KCNIP4: variants seen among roughly 807,000 people sequenced by gnomAD.
KCNIP4 encodes the protein Kv channel-interacting protein 4.
In KCNIP4, 12 loss-of-function variants were observed where a neutral mutation model predicts 34.0. That is an observed-to-expected ratio of 0.35 (90% CI 0.23 to 0.57). KCNIP4 has a LOEUF of 0.57. KCNIP4 is among the 20% of genes least tolerant of loss of function. KCNIP4 has a pLI of 0.83. For missense variants in KCNIP4, 238 were observed against 311.7 expected, an observed-to-expected ratio of 0.76 and a Z score of 1.78; for synonymous variants, 124 against 102.2, an observed-to-expected ratio of 1.21 and a Z score of -1.29.
intron 1 of KCNIP4, among the ~76,000 whole-genome samples, chr4:21,931,728 G>T (rs1042615557): frequency 5.3e-5 from 8 of 151,936 alleles, no homozygotes; most frequent in Admixed American, 4.6e-4. Flanking sequence ...GAATAGTGCC[G>T]CAATAAACAT....
At chr4:21,107,899 C>T (rs998362423) in intron 1 of KCNIP4, among the ~76,000 whole-genome samples, 1 of 151,306 alleles carries the variant, frequency 6.6e-6, no homozygotes, top group African/African-American at 2.5e-5. Flanking sequence ...GTTAAAAATT[C>T]TCTCCTTTAA....
chr4:21,519,040 G>A lies in KCNIP4; in HGVS notation c.61+429531C>T, dbSNP rs79556562. On this transcript the variant is annotated intron_variant, in intron 1 of 8. Coordinates refer to ENST00000382152, the MANE Select transcript of KCNIP4 (RefSeq NM_025221.6). ...GAGCAAACCGAAGAAAATGGGGCTT[G>A]AGTAATTTTCCCACGGTCACGGTTA... 1.1e-4 allele frequency among the ~76,000 whole-genome samples: 17 copies of A among 152,216 alleles called. No homozygotes were observed. The East Asian group carries it at 2.1e-3, about 19-fold the overall frequency.
intron 1 of KCNIP4, among the ~76,000 whole-genome samples, chr4:21,823,300 CTT>C (rs1171683975): frequency 2.0e-5 from 3 of 151,826 alleles, no homozygotes; most frequent in Non-Finnish European, 4.4e-5. Context: ...CTTTAACAAA[CTT>C]TTAAAATATT....
chr4:20,964,180 T>C (rs991099308), intron 1 of KCNIP4, among the ~76,000 whole-genome samples: 2 of 152,126 alleles, frequency 1.3e-5, no homozygotes, highest in African/African-American at 4.8e-5. Flanking sequence ...TGGTTGCTGT[T>C]TTACATAGAG....
intron 1 of KCNIP4, among the ~76,000 whole-genome samples, chr4:21,737,623 T>C (rs1159202435): frequency 6.6e-6 from 1 of 152,216 alleles, no homozygotes; most frequent in Admixed American, 6.5e-5. Flanking sequence ...TCCAGCAGAA[T>C]GCAGGATTCT....
At chr4:21,088,545 T>C (rs1471817721) in intron 1 of KCNIP4, among the ~76,000 whole-genome samples, 1 of 152,162 alleles carries the variant, frequency 6.6e-6, no homozygotes, top group Non-Finnish European at 1.5e-5. Flanking sequence ...GTCTATGAGA[T>C]AAGACCCAGC....
intron 1 of KCNIP4, among the ~76,000 whole-genome samples, chr4:21,771,590 C>T (rs1383848754): frequency 2.6e-5 from 4 of 151,984 alleles, no homozygotes; most frequent in Non-Finnish European, 4.4e-5. Context: ...GAATGTTTTC[C>T]CATTTGTTTG....
chr4:20,962,012 A>C (rs1441220955), intron 1 of KCNIP4, among the ~76,000 whole-genome samples: 1 of 151,930 alleles, frequency 6.6e-6, no homozygotes, highest in African/African-American at 2.4e-5. Context: ...TTCCTAAACC[A>C]CCCTGGCATC....
chr4:21,741,458 C>T (rs1314487485), intron 1 of KCNIP4, among the ~76,000 whole-genome samples: 1 of 152,100 alleles, frequency 6.6e-6, no homozygotes, highest in Admixed American at 6.5e-5. Flanking sequence ...TGCTTCTATT[C>T]CCCAAGGAAG....
At chr4:21,433,685 T>C (rs1726698091) in intron 1 of KCNIP4, among the ~76,000 whole-genome samples, 1 of 152,152 alleles carries the variant, frequency 6.6e-6, no homozygotes, top group Non-Finnish European at 1.5e-5. Flanking sequence ...TCTTCTCTTC[T>C]CAATCATGCC....
At chr4:21,450,274 TA>T (rs1224840063) in intron 1 of KCNIP4, among the ~76,000 whole-genome samples, 2 of 152,080 alleles carry the variant, frequency 1.3e-5, no homozygotes, top group African/African-American at 2.4e-5. Context: ...TATACTATAG[TA>T]AAAAAATAAG....
In KCNIP4 at chr4:21,589,264, A is replaced by ATATAC. The variant is rs1221997723; in HGVS notation, c.61+359306_61+359307insGTATA. On this transcript the variant is annotated intron_variant, in intron 1 of 8. Transcript: ENST00000382152. The stretch of plus-strand genomic sequence containing the variant: ...CATATATACATATATGTATCTATAC[A>ATATAC]GATACATATATGTATAGATACATAT... 3.1e-5 allele frequency among the ~76,000 whole-genome samples: 4 copies of ATATAC among 130,358 alleles called. No homozygotes were observed. In the South Asian group the frequency reaches 7.4e-4, roughly 24 times the overall value. The allele number at this position is 130,358 out of a possible 152,430, so 85.5% of individuals were successfully genotyped here.
chr4:21,821,427 G>C (rs1387442153), intron 1 of KCNIP4, among the ~76,000 whole-genome samples: 1 of 152,104 alleles, frequency 6.6e-6, no homozygotes, highest in African/African-American at 2.4e-5. Flanking sequence ...AGAGAAGTCA[G>C]AGCCATTCCA....
chr4:20,799,251 A>T (rs1017131378), intron 3 of KCNIP4, among the ~76,000 whole-genome samples: 27 of 152,270 alleles, frequency 1.8e-4, no homozygotes, highest in Non-Finnish European at 1.0e-4. Flanking sequence ...TCTGCACACC[A>T]GAGCTATCAA....
At chr4:20,864,095 T>C (rs573311210) in intron 2 of KCNIP4, among the ~76,000 whole-genome samples, 15 of 150,614 alleles carry the variant, frequency 1.0e-4, no homozygotes, top group Admixed American at 7.3e-4. Context: ...TATATGCATG[T>C]ATACGTATGT....
intron 1 of KCNIP4, among the ~76,000 whole-genome samples, chr4:21,310,840 G>A (rs1389972500): frequency 6.6e-6 from 1 of 151,820 alleles, no homozygotes; most frequent in African/African-American, 2.4e-5. Flanking sequence ...ATGTTAGCCA[G>A]GACGGTCTGG....
chr4:21,427,547 G>T (rs1315175736), intron 1 of KCNIP4, among the ~76,000 whole-genome samples: 1 of 152,126 alleles, frequency 6.6e-6, no homozygotes, highest in Non-Finnish European at 1.5e-5. Flanking sequence ...CCTGCAGGGA[G>T]CAGGCTTGGT....
At chr4:21,132,876 T>A (rs996555665) in intron 1 of KCNIP4, among the ~76,000 whole-genome samples, 10 of 113,152 alleles carry the variant, frequency 8.8e-5, no homozygotes, top group Non-Finnish European at 1.7e-4. Context: ...AAAAAAAAAA[T>A]TAGCCAGGTG....
rs146981481 is a variant in KCNIP4 at position 20,989,277 on chromosome 4, C to T, written c.62-106568G>A. On this transcript the variant is annotated intron_variant, in intron 1 of 8. Transcript: ENST00000382152. ...AGAAAGTTTTTTTCACCCCTACATC[C>T]ATATTCATACAATCTTTTAGGAATC... 6.4e-3 allele frequency among the ~76,000 whole-genome samples: 978 copies of T among 152,232 alleles called. 13 individuals are homozygous for T. The highest frequency in any genetic ancestry group is 0.022 in the African/African-American group (929 of 41,568).
Sources: allele counts gnomAD v4.1 joint callset (sites outside exome capture counted in the v4.1 genomes callset), GRCh38; gene constraint gnomAD v4.1.1; transcripts MANE v1.5; gene names NCBI Gene and HGNC (gene_info 2026-07-23, HGNC 2026-07-21).